Variants in HTRA3 observed in about 807,000 individuals in gnomAD.
HTRA3 encodes serine protease HTRA3.
HTRA3 carries 41 observed loss-of-function variants against 43.2 expected under a neutral mutation model. The observed-to-expected ratio is 0.95, with a 90% CI of 0.74 to 1.23. The LOEUF (loss-of-function observed/expected upper bound fraction) is 1.23, where lower values mean the gene tolerates loss of function less well. Among genes scored for constraint, HTRA3 ranks in the 50% most tolerant of loss-of-function variants. The pLI is 0.00. For synonymous variants in HTRA3, 295 were observed against 287.9 expected (o/e 1.02, Z -0.25); for missense variants, 628 against 647.1 (o/e 0.97, Z 0.32).
At chr4:8,274,834 G>T (rs1448971023) in intron 1 of HTRA3, among the ~76,000 whole-genome samples, 1 of 152,220 alleles carries the variant, frequency 6.6e-6, no homozygotes, top group Non-Finnish European at 1.5e-5. Flanking sequence ...GAGCCCCAGA[G>T]CAGTTTACAA....
chr4:8,273,769 T>A (rs1423809383), intron 1 of HTRA3, among the ~76,000 whole-genome samples: 1 of 150,606 alleles, frequency 6.6e-6, no homozygotes, highest in Non-Finnish European at 1.5e-5. Context: ...CTCCCCTCAA[T>A]GCCTGCTGCA....
At chr4:8,299,894 C>T (rs965791914) in intron 6 of HTRA3, among the ~76,000 whole-genome samples, 1 of 146,370 alleles carries the variant, frequency 6.8e-6, no homozygotes, top group Non-Finnish European at 1.5e-5. Flanking sequence ...GGCTGGAGTA[C>T]GGTGGTGTGA....
chr4:8,299,303 T>G (rs191864742), intron 6 of HTRA3, among the ~76,000 whole-genome samples: 39 of 152,366 alleles, frequency 2.6e-4, no homozygotes, highest in Admixed American at 2.0e-3. Context: ...AAGAGAATAT[T>G]CAAATTAAAA....
rs566395220 is a variant in HTRA3, at chr4:8,296,143, A to G, written c.1051+1942A>G. 42 of 993,792 alleles carry G rather than the reference A, an allele frequency of 4.2e-5. No individual in the cohort carries two copies. In the African/African-American group the frequency reaches 6.8e-4, roughly 16 times the overall value. The allele number at this position is 993,792 out of a possible 1,614,324, so 61.6% of individuals were successfully genotyped here. ...GCGGAGCTGCTGTTTGCACACACTGAGCTGTGAGGTGGCTTTCCTTGGAAG... is the reference window on the plus strand; with the variant it reads ...GCGGAGCTGCTGTTTGCACACACTGGGCTGTGAGGTGGCTTTCCTTGGAAG... On this transcript the variant is annotated intron_variant, in intron 6 of 8. Transcript: ENST00000307358. This position sits in a 1 kb window ranked among gnomAD's most constrained non-coding sequence, Gnocchi z 5.3.
chr4:8,273,677 C>T (rs1384306467), intron 1 of HTRA3, among the ~76,000 whole-genome samples: 2 of 152,122 alleles, frequency 1.3e-5, no homozygotes, highest in African/African-American at 4.8e-5. Flanking sequence ...CTTCCCAGCC[C>T]CACTGAAAGG....
Position 8,269,867 on chromosome 4 carries a change from C to G in HTRA3, c.-102C>G. On this transcript the variant is annotated 5_prime_UTR_variant, in exon 1 of 9. Coordinates refer to ENST00000307358, the MANE Select transcript of HTRA3 (RefSeq NM_053044.5). ...CATGTGACCGCGCGTCCGCCCCAGT[C>G]CCATCCGTAGGCGCCCGGCGCCCGG... The G allele has an allele frequency of 2.1e-6, 1 of 468,702 alleles. No individual in the cohort carries two copies. The highest frequency in any genetic ancestry group is 2.1e-5 in the African/African-American group (1 of 47,358). 29.0% of individuals were successfully genotyped at this position (468,702 alleles called of 1,614,324 possible).
At chr4:8,304,831 G>C (rs985548472) in intron 8 of HTRA3, among the ~76,000 whole-genome samples, 3 of 151,770 alleles carry the variant, frequency 2.0e-5, no homozygotes, top group Non-Finnish European at 2.9e-5. Context: ...AATTGTTTTT[G>C]TATTTTTAGT....
rs1330575147 is a variant in HTRA3 at position 8,306,191 on chromosome 4, G to GC, written c.*62dup. 83 of 1,497,582 alleles carry GC rather than the reference G, an allele frequency of 5.5e-5. No individual in the cohort carries two copies. Among genetic ancestry groups the GC allele is most frequent in the South Asian group, 6.5e-5 (5 of 76,352 alleles). 92.8% of individuals were successfully genotyped at this position (1,497,582 alleles called of 1,614,324 possible). On this transcript the variant is annotated 3_prime_UTR_variant, in exon 9 of 9. Coordinates refer to ENST00000307358, the MANE Select transcript of HTRA3 (RefSeq NM_053044.5). This position sits in a 1 kb window ranked among gnomAD's most constrained non-coding sequence, Gnocchi z 8.9. ...GAGCCTGCAGACAACGGAGGGCAGC[G>GC]CCCCCCCGAGATCAGGACGAAGGAC...
In HTRA3 at chr4:8,294,317, C is replaced by T. The variant is rs372053485; in HGVS notation, c.1051+116C>T. 1.3e-5 allele frequency: 9 copies of T among 686,852 alleles called. No individual in the cohort carries two copies. In the African/African-American group the frequency reaches 1.6e-4, roughly 12 times the overall value. 42.5% of individuals were successfully genotyped at this position (686,852 alleles called of 1,614,324 possible). A position where few individuals can be genotyped will look rare whatever the true frequency, so the allele number is the denominator to read the frequency against. On this transcript the variant is annotated intron_variant, in intron 6 of 8. Transcript: ENST00000307358. Reference sequence around the variant, plus strand: ...CCGGAGGTGCTGGGTGAACTTTGCTCACTACTGGACAGGTCCTGTCTGCCC... The same window carrying T: ...CCGGAGGTGCTGGGTGAACTTTGCTTACTACTGGACAGGTCCTGTCTGCCC...
In HTRA3 at chr4:8,297,073, G is replaced by A. The variant is rs912081979; in HGVS notation, c.1051+2872G>A. Among the ~76,000 whole-genome samples the A allele has an allele frequency of 1.3e-5, 2 of 152,094 alleles. No homozygotes were observed. Among genetic ancestry groups the A allele is most frequent in the East Asian group, 1.9e-4 (1 of 5,146 alleles). On this transcript the variant is annotated intron_variant, in intron 6 of 8. Coordinates refer to ENST00000307358, the MANE Select transcript of HTRA3 (RefSeq NM_053044.5). The surrounding 1 kb of genome is among the most constrained non-coding windows in gnomAD (Gnocchi z 5.8). ...GTCCCTTGGTCTCAGAAGCCAAAAG[G>A]TTCCCTGGTCTCAGAAGCCATAAGG...
At chr4:8,294,324 G>A in intron 6 of HTRA3, 123 bp downstream of exon 6, 1 of 658,324 alleles carries the variant, frequency 1.5e-6, no homozygotes, top group Non-Finnish European at 2.6e-6. Flanking sequence ...GCTCACTACT[G>A]GACAGGTCCT....
intron 1 of HTRA3, among the ~76,000 whole-genome samples, chr4:8,273,283 T>C (rs889997927): frequency 1.2e-4 from 19 of 152,176 alleles, no homozygotes; most frequent in Admixed American, 1.3e-4. Context: ...CATGGAGTAT[T>C]CCAGCAGCGT....
intron 1 of HTRA3, among the ~76,000 whole-genome samples, chr4:8,275,576 C>T (rs545227231): frequency 7.9e-5 from 12 of 152,304 alleles, no homozygotes; most frequent in African/African-American, 2.2e-4. Context: ...GAGATGGGGG[C>T]GTCTAGTTGT....
chr4:8,270,349 G>A lies in HTRA3; in HGVS notation c.381G>A (p.Pro127=), dbSNP rs924058394. 2 of 1,409,684 alleles carry A rather than the reference G, an allele frequency of 1.4e-6. No homozygotes were observed. The highest frequency in any genetic ancestry group is 1.5e-5 in the South Asian group (1 of 68,320). The allele number at this position is 1,409,684 out of a possible 1,614,324, so 87.3% of individuals were successfully genotyped here. Residue 127 remains proline, a synonymous_variant, in exon 1 of 9, where the codon CCG becomes CCA. Transcript: ENST00000307358. ...GCCAGCTGCAGAAGGGCGCCTGCCC[G>A]TTGGGTAAGCGCTCGGGGGCCAGGG... ...PVRQLQKGAC[P]LGLHQLSSPR... is the part of the protein sequence containing the mutation.
intron 1 of HTRA3, among the ~76,000 whole-genome samples, chr4:8,272,804 G>A (rs1042538102): frequency 6.6e-6 from 1 of 152,222 alleles, no homozygotes; most frequent in Non-Finnish European, 1.5e-5. Context: ...AGCCCACGGA[G>A]CCAGGTGGGG....
At chr4:8,288,188 T>C (rs73801719) in intron 3 of HTRA3, among the ~76,000 whole-genome samples, 10,230 of 152,344 alleles carry the variant, frequency 0.067, 463 homozygotes, top group Non-Finnish European at 0.095. Flanking sequence ...CTTTTCACGG[T>C]CGCGATTGAG....
chr4:8,292,242 A>T, intron 4 of HTRA3, 79 bp from the exon 5 acceptor site: 1 of 1,255,556 alleles, frequency 8.0e-7, no homozygotes, highest in South Asian at 1.3e-5. Flanking sequence ...TGCACTGGTT[A>T]GAGGCAGATC....
chr4:8,269,987 C>A lies in HTRA3; in HGVS notation c.19C>A (p.Leu7Ile). The A allele has an allele frequency of 1.6e-6, 2 of 1,244,724 alleles. No homozygotes were observed. The highest frequency in any genetic ancestry group is 1.0e-6 in the Non-Finnish European group (1 of 998,274). 77.1% of individuals were successfully genotyped at this position (1,244,724 alleles called of 1,614,324 possible). MQARAL[L>I]LAALAALALA... The stretch of plus-strand genomic sequence containing the variant: ...TGCCGCCATGCAGGCGCGAGCGCTG[C>A]TCCTGGCCGCGTTGGCCGCGCTGGC... Residue 7 changes from leucine to isoleucine, a missense_variant, in exon 1 of 9, where the codon CTC (leucine) becomes ATC (isoleucine). Transcript: ENST00000307358.
At position 8,287,819 on chromosome 4, in the gene HTRA3, C is replaced by T. The variant is rs368615766; in HGVS notation, c.708+1036C>T. Among the ~76,000 whole-genome samples the T allele has an allele frequency of 2.6e-3, 401 of 152,314 alleles. 5 individuals carry two copies. The highest frequency in any genetic ancestry group is 9.0e-3 in the African/African-American group (373 of 41,564). On this transcript the variant is annotated intron_variant, in intron 3 of 8. Coordinates refer to ENST00000307358, the MANE Select transcript of HTRA3 (RefSeq NM_053044.5). The stretch of plus-strand genomic sequence containing the variant: ...TTAGGTAACTCGTCCAAGATCACAG[C>T]GCACTGGAGCAGGGCTGGCCCGCTC...
Sources: allele counts gnomAD v4.1 joint callset (sites outside exome capture counted in the v4.1 genomes callset), GRCh38; gene constraint gnomAD v4.1.1; non-coding constraint Gnocchi (gnomAD v3.1); transcripts MANE v1.5; gene names NCBI Gene and HGNC (gene_info 2026-07-23, HGNC 2026-07-21).